Variants in FAF1 observed in about 807,000 individuals in gnomAD.
The protein encoded by FAF1 is FAS-associated factor 1.
A neutral mutation model predicts 92.5 loss-of-function variants in FAF1; 25 were observed. That is an observed-to-expected ratio of 0.27 (90% CI 0.20 to 0.38). The LOEUF is 0.38. Among genes scored for constraint, FAF1 ranks in the 10% least tolerant of loss-of-function variants. FAF1 has a pLI of 1.00. For synonymous variants in FAF1, 234 were observed against 273.2 expected (o/e 0.86, Z 1.42); for missense variants, 636 against 793.3 (o/e 0.80, Z 2.38).
chr1:50,658,168 G>C (rs958036692), intron 7 of FAF1, among the ~76,000 whole-genome samples: 2 of 151,686 alleles, frequency 1.3e-5, no homozygotes, highest in African/African-American at 2.4e-5. Context: ...GAGTCTTTAG[G>C]CTTCAAGACA....
At chr1:50,864,699 T>C (rs1347352117) in intron 1 of FAF1, among the ~76,000 whole-genome samples, 4 of 152,006 alleles carry the variant, frequency 2.6e-5, no homozygotes, top group Non-Finnish European at 5.9e-5. Context: ...TCAAGATGGA[T>C]TAAAGACTTA....
chr1:50,896,174 T>C (rs1478684689), intron 1 of FAF1, among the ~76,000 whole-genome samples: 1 of 152,048 alleles, frequency 6.6e-6, no homozygotes, highest in East Asian at 1.9e-4. Context: ...AGTCCCAGCT[T>C]GCTACTCGAG....
chr1:50,825,223 T>C (rs189158943), intron 2 of FAF1, among the ~76,000 whole-genome samples: 127 of 152,216 alleles, frequency 8.3e-4, no homozygotes, highest in African/African-American at 3.0e-3. Flanking sequence ...CCCATAAATA[T>C]GTACATTATG....
chr1:50,773,483 C>T (rs965446002), intron 4 of FAF1, among the ~76,000 whole-genome samples: 1 of 152,196 alleles, frequency 6.6e-6, no homozygotes, highest in African/African-American at 2.4e-5. Flanking sequence ...CAATGGCATA[C>T]TATTCAGCCT....
chr1:50,746,591 C>T (rs149345317), intron 4 of FAF1, among the ~76,000 whole-genome samples: 2 of 151,742 alleles, frequency 1.3e-5, no homozygotes, highest in South Asian at 2.1e-4. Flanking sequence ...CATGAGCCAC[C>T]GAGCCCGGCC....
At chr1:50,755,185 C>T (rs774062029) in intron 4 of FAF1, among the ~76,000 whole-genome samples, 115 of 152,246 alleles carry the variant, frequency 7.6e-4, no homozygotes, top group Non-Finnish European at 5.4e-4. Context: ...CTTCGACCTA[C>T]GAGCCTGTAA....
In FAF1 at chr1:50,710,092, G is replaced by C. The variant is rs189422524; in HGVS notation, c.552-4201C>G. Among the ~76,000 whole-genome samples, 769 of 152,316 alleles carry C rather than the reference G, an allele frequency of 5.0e-3. 10 individuals are homozygous for C. The highest frequency in any genetic ancestry group is 5.9e-3 in the Non-Finnish European group (403 of 68,028). On this transcript the variant is annotated intron_variant, in intron 6 of 18. Coordinates refer to ENST00000396153, the MANE Select transcript of FAF1 (RefSeq NM_007051.3). ...CCATTATGGAGGGCTTCAAATGCTA[G>C]GCTGAGGAGCTCGGAGTTCCAGAAG...
At chr1:50,818,831 C>T (rs1644003006) in intron 2 of FAF1, among the ~76,000 whole-genome samples, 1 of 151,594 alleles carries the variant, frequency 6.6e-6, no homozygotes, top group East Asian at 1.9e-4. Flanking sequence ...AGCGAGACTC[C>T]ATCCCCCCAC....
At chr1:50,666,203 C>T (rs960979654) in intron 7 of FAF1, among the ~76,000 whole-genome samples, 5 of 151,978 alleles carry the variant, frequency 3.3e-5, no homozygotes, top group African/African-American at 4.8e-5. Flanking sequence ...CATAAGCAAC[C>T]GCGCCCGGCT....
At chr1:50,607,355 G>GT (rs1652475246) in intron 8 of FAF1, among the ~76,000 whole-genome samples, 1 of 152,038 alleles carries the variant, frequency 6.6e-6, no homozygotes, top group Non-Finnish European at 1.5e-5. Context: ...TCTTCTCTAA[G>GT]TTTTATCACC....
At chr1:50,942,842 T>C (rs116546814) in intron 1 of FAF1, among the ~76,000 whole-genome samples, 170 of 152,116 alleles carry the variant, frequency 1.1e-3, no homozygotes, top group African/African-American at 3.9e-3. Flanking sequence ...ACATCATGGA[T>C]TGCGTTACGG....
chr1:50,938,208 T>C (rs545540493), intron 1 of FAF1, among the ~76,000 whole-genome samples: 4 of 152,138 alleles, frequency 2.6e-5, no homozygotes, highest in Non-Finnish European at 4.4e-5. Flanking sequence ...GGAAAATAAC[T>C]AAAAGCCAGG....
chr1:50,602,321 C>T (rs1339517087), intron 8 of FAF1, among the ~76,000 whole-genome samples: 1 of 152,152 alleles, frequency 6.6e-6, no homozygotes, highest in Non-Finnish European at 1.5e-5. Flanking sequence ...TTTGGGAATG[C>T]TACCGGATAT....
intron 1 of FAF1, among the ~76,000 whole-genome samples, chr1:50,890,674 A>G (rs11485520): frequency 0.02 from 3,066 of 152,288 alleles, 101 homozygotes; most frequent in African/African-American, 0.071. Context: ...TTCTTTGAGA[A>G]TGCTGAATAT....
In FAF1 at chr1:50,655,447, C is replaced by T. The variant is rs747000653; in HGVS notation, c.739G>A (p.Asp247Asn). Residue 247 changes from aspartate (D) to asparagine (N), a missense_variant, in exon 8 of 19, where the codon GAC becomes AAC. Asp to Asn is a conservative substitution (Grantham distance 23). Coordinates refer to ENST00000396153, the MANE Select transcript of FAF1 (RefSeq NM_007051.3). ...AAAATTTGACTGTCACTTACTGAGTCGTCTGTAGCAGAAGTTGGCCAGCCC... is the reference window on the plus strand; with the variant it reads ...AAAATTTGACTGTCACTTACTGAGTTGTCTGTAGCAGAAGTTGGCCAGCCC... ...WEGWPTSATD[D>N]SMCLAESGLS... 1.3e-5 allele frequency: 21 copies of T among 1,610,214 alleles called. No individual in the cohort carries two copies. The highest frequency in any genetic ancestry group is 7.7e-5 in the South Asian group (7 of 90,984).
In FAF1 at chr1:50,439,975, G is replaced by A. The variant is rs1349765405; in HGVS notation, c.*1465C>T. 2 of 152,186 alleles carry A rather than the reference G, an allele frequency of 1.3e-5. No individual in the cohort carries two copies. The highest frequency in any genetic ancestry group is 2.4e-5 in the African/African-American group (1 of 41,438). 9.4% of individuals were successfully genotyped at this position (152,186 alleles called of 1,614,324 possible). A position where few individuals can be genotyped will look rare whatever the true frequency, so the allele number is the denominator to read the frequency against. On this transcript the variant is annotated 3_prime_UTR_variant, in exon 19 of 19. Transcript: ENST00000396153. Reference sequence around the variant, plus strand: ...TGGAGCATCAGAGAAGACACAAGGTGTAATTTTCCTGGCCAACATCCACTT... The same window carrying A: ...TGGAGCATCAGAGAAGACACAAGGTATAATTTTCCTGGCCAACATCCACTT...
At chr1:50,922,182 G>T (rs1013582028) in intron 1 of FAF1, among the ~76,000 whole-genome samples, 1 of 150,808 alleles carries the variant, frequency 6.6e-6, no homozygotes, top group African/African-American at 2.4e-5. Flanking sequence ...AAAAAGGCCA[G>T]GCGCAGTGGC....
Position 50,831,731 on chromosome 1 carries a change from A to C in FAF1, c.114+26198T>G, listed in dbSNP as rs78844493. ...AAACAGGATCTTTGCAGATGGAATTAAAGTAAGGATTGGGATTACATAATG... is the reference window on the plus strand; with the variant it reads ...AAACAGGATCTTTGCAGATGGAATTCAAGTAAGGATTGGGATTACATAATG... On this transcript the variant is annotated intron_variant, in intron 2 of 18. Transcript: ENST00000396153. Among the ~76,000 whole-genome samples the C allele has an allele frequency of 3.0e-3, 455 of 152,154 alleles. 4 individuals carry two copies. The highest frequency in any genetic ancestry group is 0.01 in the African/African-American group (429 of 41,480).
At position 50,642,039 on chromosome 1, in the gene FAF1, C is replaced by T. The variant is rs577439726; in HGVS notation, c.744+13403G>A. On this transcript the variant is annotated intron_variant, in intron 8 of 18. Transcript: ENST00000396153. Reference sequence around the variant, plus strand: ...GCAACATGGTGAAACCCCATCTCTACTGAAATACAAAAAATCAACCAGGCA... The same window carrying T: ...GCAACATGGTGAAACCCCATCTCTATTGAAATACAAAAAATCAACCAGGCA... Among the ~76,000 whole-genome samples, 9 of 151,986 alleles carry T rather than the reference C, an allele frequency of 5.9e-5. No homozygotes were observed. In the South Asian group the frequency reaches 8.3e-4, roughly 14 times the overall value.
Sources: gnomAD v4.1 joint callset for allele counts (sites outside exome capture counted in the v4.1 genomes callset) on GRCh38, gnomAD v4.1.1 for gene constraint, MANE v1.5 for transcripts, NCBI Gene and HGNC (gene_info 2026-07-23, HGNC 2026-07-21) for gene names.